Variants in LHFPL6 observed in about 807,000 individuals in gnomAD.
LHFPL6 encodes the protein LHFPL tetraspan subfamily member 6.
LHFPL6 carries 9 observed loss-of-function variants against 20.6 expected under a neutral mutation model. The ratio of observed to expected loss-of-function variants is 0.44; its 90% CI spans 0.26 to 0.76. The LOEUF (loss-of-function observed/expected upper bound fraction) is 0.76. Ranked by LOEUF, LHFPL6 falls within the 30% of genes least tolerant of loss-of-function variation. The probability of loss-of-function intolerance (pLI) is 0.20; values close to 1 mark genes in which losing one functional copy is unlikely to be tolerated. For missense variants in LHFPL6, 218 were observed against 253.5 expected, an observed-to-expected ratio of 0.86 and a Z score of 0.95; for synonymous variants, 105 against 98.7, an observed-to-expected ratio of 1.06 and a Z score of -0.38.
chr13:39,502,463 T>TA (rs56675734), intron 2 of LHFPL6, among the ~76,000 whole-genome samples: 5 of 143,708 alleles, frequency 3.5e-5, no homozygotes, highest in South Asian at 2.2e-4. Context: ...TACAAAAAAT[T>TA]AAAAAAAAAA....
At chr13:39,493,874 C>T (rs138694103) in intron 2 of LHFPL6, among the ~76,000 whole-genome samples, 257 of 152,260 alleles carry the variant, frequency 1.7e-3, no homozygotes, top group African/African-American at 5.8e-3. Context: ...AAGTTTCTCT[C>T]TATTTTTATA....
chr13:39,545,893 A>G (rs1333568097), intron 2 of LHFPL6, among the ~76,000 whole-genome samples: 1 of 152,110 alleles, frequency 6.6e-6, no homozygotes, highest in Non-Finnish European at 1.5e-5. Flanking sequence ...CAACATAGTG[A>G]GGCTGCTTCT....
chr13:39,373,348 G>T (rs535732237), intron 3 of LHFPL6, among the ~76,000 whole-genome samples: 1 of 152,250 alleles, frequency 6.6e-6, no homozygotes, highest in Admixed American at 6.5e-5. Flanking sequence ...CAGAGGGGGT[G>T]AGCCAGGAAT....
At chr13:39,535,176 C>T (rs1300199040) in intron 2 of LHFPL6, among the ~76,000 whole-genome samples, 6 of 152,190 alleles carry the variant, frequency 3.9e-5, no homozygotes, top group Admixed American at 3.9e-4. Flanking sequence ...TGGAGAAGGG[C>T]CCACCCTAAT....
At chr13:39,430,745 ACT>A (rs1243330755) in intron 2 of LHFPL6, among the ~76,000 whole-genome samples, 5 of 152,090 alleles carry the variant, frequency 3.3e-5, no homozygotes, top group African/African-American at 1.2e-4. Flanking sequence ...ACCAATCAGC[ACT>A]CTGTGTCTAG....
chr13:39,381,543 G>T lies in LHFPL6; in HGVS notation c.386-3017C>A, dbSNP rs557695002. On this transcript the variant is annotated intron_variant, in intron 2 of 3. Transcript: ENST00000379589. ...CTTATCTAATTGTGCTCTTGCTCTT[G>T]AAACAAACCAGGCTGGAACCCCATG... Among the ~76,000 whole-genome samples the T allele has an allele frequency of 5.9e-5, 9 of 152,054 alleles. No individual in the cohort carries two copies. The East Asian group carries it at 1.7e-3, about 29-fold the overall frequency.
chr13:39,600,617 T>A (rs373612713), intron 2 of LHFPL6, among the ~76,000 whole-genome samples: 4 of 152,368 alleles, frequency 2.6e-5, no homozygotes. Flanking sequence ...AGGCCAGTGA[T>A]GTATATGTAC....
chr13:39,442,913 C>T (rs1007152845), intron 2 of LHFPL6, among the ~76,000 whole-genome samples: 1 of 152,070 alleles, frequency 6.6e-6, no homozygotes, highest in South Asian at 2.1e-4. Flanking sequence ...CTAACTGAAG[C>T]TTCTTGTCTC....
At chr13:39,584,525 C>CAAA (rs35746128) in intron 2 of LHFPL6, among the ~76,000 whole-genome samples, 41 of 58,828 alleles carry the variant, frequency 7.0e-4, no homozygotes, top group African/African-American at 1.9e-3. Context: ...AACTCTGTCT[C>CAAA]AAAAAAAAAA....
chr13:39,421,001 A>G (rs1207124091), intron 2 of LHFPL6, among the ~76,000 whole-genome samples: 1 of 152,192 alleles, frequency 6.6e-6, no homozygotes. Context: ...TGGTAACAGA[A>G]TTGAAAAGGA....
intron 2 of LHFPL6, among the ~76,000 whole-genome samples, chr13:39,524,424 G>A (rs1286719031): frequency 6.6e-6 from 1 of 151,884 alleles, no homozygotes; most frequent in African/African-American, 2.4e-5. Context: ...CACCTTTCAA[G>A]ATTAATTACA....
intron 2 of LHFPL6, among the ~76,000 whole-genome samples, chr13:39,550,991 C>G (rs1364824980): frequency 1.3e-5 from 2 of 152,102 alleles, no homozygotes; most frequent in African/African-American, 4.8e-5. Context: ...CTTTTACCCA[C>G]ATGTTGTCAT....
At chr13:39,512,583 C>CA (rs1869754585) in intron 2 of LHFPL6, among the ~76,000 whole-genome samples, 1 of 143,470 alleles carries the variant, frequency 7.0e-6, no homozygotes, top group African/African-American at 2.7e-5. Context: ...GCCTGGGCAA[C>CA]AGAGCGAGCC....
intron 2 of LHFPL6, among the ~76,000 whole-genome samples, chr13:39,430,337 A>G (rs1436599511): frequency 6.6e-6 from 1 of 152,214 alleles, no homozygotes; most frequent in Admixed American, 6.5e-5. Context: ...AATTATGACA[A>G]TTCTGCGAGG....
intron 2 of LHFPL6, among the ~76,000 whole-genome samples, chr13:39,506,421 A>G (rs1869486243): frequency 6.6e-6 from 1 of 152,234 alleles, no homozygotes; most frequent in African/African-American, 2.4e-5. Context: ...ACATTTGTCA[A>G]AGTTGAGTCC....
At chr13:39,563,589 T>C (rs190015889) in intron 2 of LHFPL6, among the ~76,000 whole-genome samples, 172 of 152,300 alleles carry the variant, frequency 1.1e-3, no homozygotes, top group Admixed American at 1.8e-3. Context: ...TCATTGCATA[T>C]TTTAACGCCT....
rs148740486 is a variant in LHFPL6, at chr13:39,528,092, C to A, written c.385+72740G>T. Among the ~76,000 whole-genome samples, 22 of 152,236 alleles carry A rather than the reference C, an allele frequency of 1.4e-4. No individual in the cohort carries two copies. In the South Asian group the frequency reaches 1.7e-3, roughly 11 times the overall value. On this transcript the variant is annotated intron_variant, in intron 2 of 3. Transcript: ENST00000379589. ...ATGACCCTCACAAGAAGGGCTTTTGCTGGTTTTTGCTAAGAAAAGAGATCT... is the reference window on the plus strand; with the variant it reads ...ATGACCCTCACAAGAAGGGCTTTTGATGGTTTTTGCTAAGAAAAGAGATCT...
At chr13:39,477,147 C>A (rs1873103209) in intron 2 of LHFPL6, among the ~76,000 whole-genome samples, 1 of 152,090 alleles carries the variant, frequency 6.6e-6, no homozygotes, top group South Asian at 2.1e-4. Context: ...ACTTTACCTC[C>A]CCCAGGTCCC....
At chr13:39,447,369 A>T (rs1053306206) in intron 2 of LHFPL6, among the ~76,000 whole-genome samples, 2 of 152,006 alleles carry the variant, frequency 1.3e-5, no homozygotes, top group African/African-American at 2.4e-5. Context: ...TATTTTTTTT[A>T]AATTGATATA....
Sources: gnomAD v4.1 joint callset for allele counts (sites outside exome capture counted in the v4.1 genomes callset) on GRCh38, gnomAD v4.1.1 for gene constraint, MANE v1.5 for transcripts, NCBI Gene and HGNC (gene_info 2026-07-23, HGNC 2026-07-21) for gene names.